Variants in CPS1 observed in about 807,000 individuals in gnomAD.
CPS1 encodes carbamoyl-phosphate synthase [ammonia], mitochondrial.
In CPS1, 109 loss-of-function variants were observed where a neutral mutation model predicts 174.6. The ratio of observed to expected loss-of-function variants is 0.62; its 90% confidence interval spans 0.53 to 0.73. CPS1 has a LOEUF of 0.73. Among genes scored for constraint, CPS1 ranks in the 30% least tolerant of loss-of-function variants. CPS1 has a pLI of 0.00. For missense variants in CPS1, 1,689 were observed against 1,821.9 expected (o/e 0.93, Z 1.33); for synonymous variants, 637 against 632.0 (o/e 1.01, Z -0.12).
chr2:210,549,376 G>A (rs1402752410), intron 1 of CPS1, among the ~76,000 whole-genome samples: 1 of 151,928 alleles, frequency 6.6e-6, no homozygotes, highest in Admixed American at 6.6e-5. Flanking sequence ...TTTCTTAACA[G>A]TATTTGCTAT....
intron 2 of CPS1, among the ~76,000 whole-genome samples, chr2:210,575,263 G>C (rs1697653873): frequency 6.6e-6 from 1 of 151,960 alleles, no homozygotes; most frequent in Non-Finnish European, 1.5e-5. Flanking sequence ...AACTTTATTG[G>C]TTTCAAAGTC....
At chr2:210,554,435 A>C (rs1696837662), upstream of CPS1, among the ~76,000 whole-genome samples, 1 of 151,710 alleles carries the variant, frequency 6.6e-6, no homozygotes, top group Non-Finnish European at 1.5e-5. Context: ...TCTATGGAAA[A>C]ACATGTTTAA....
rs956838754 is a variant in CPS1, at chr2:210,668,254, A to G, written c.4071A>G (p.Ile1357Met). The change falls in exon 34 of 38, where the codon ATA (isoleucine) becomes ATG (methionine). Residue 1357 changes from isoleucine (I) to methionine (M), a missense_variant. Physicochemically the swap from Ile to Met is conservative, Grantham distance 10. Transcript: ENST00000233072. ...LKAMLSTGFK[I>M]PQKGILIGIQ... ...CAATGCTTTCCACAGGATTTAAGAT[A>G]CCCCAGAAAGGCATCCTGATAGGCA... 6.2e-7 allele frequency: 1 copy of G among 1,613,884 alleles called. No homozygotes were observed. Among genetic ancestry groups the G allele is most frequent in the African/African-American group, 1.3e-5 (1 of 75,002 alleles).
At chr2:210,513,943 A>G (rs1370224462) in intron 1 of CPS1, among the ~76,000 whole-genome samples, 1 of 152,008 alleles carries the variant, frequency 6.6e-6, no homozygotes. Context: ...TTGAATAGGA[A>G]GTTCTTTCCC....
Position 210,600,563 on chromosome 2 carries a change from C to G in CPS1, c.1558C>G (p.Leu520Val). Residue 520 changes from leucine (L) to valine (V), a missense_variant, in exon 15 of 38, where the codon CTA becomes GTA. Transcript: ENST00000233072. ...ATTTGGTTCTTCTTTAGGAGTGGAA[C>G]TATTCAAGAGAGGTGTGCTCAAGGA... ...GQTALNCGVE[L>V]FKRGVLKEYG... 1 of 1,611,930 alleles carries G rather than the reference C, an allele frequency of 6.2e-7. No homozygotes were observed. The highest frequency in any genetic ancestry group is 8.5e-7 in the Non-Finnish European group (1 of 1,178,696).
chr2:210,617,894 A>G (rs1219151560), intron 21 of CPS1: 1 of 152,026 alleles, frequency 6.6e-6, no homozygotes, highest in East Asian at 1.9e-4. Context: ...ACTGATTTCA[A>G]ATGCCTATGA....
At chr2:210,591,057 T>TA (rs1490728597) in intron 9 of CPS1, 151 bp downstream of exon 9, 4 of 227,384 alleles carry the variant, frequency 1.8e-5, no homozygotes, top group Non-Finnish European at 3.3e-5. Context: ...AATAAATAAA[T>TA]AAATAAATAA....
chr2:210,494,647 A>T (rs543470274), intron 1 of CPS1, among the ~76,000 whole-genome samples: 4 of 150,464 alleles, frequency 2.7e-5, no homozygotes, highest in East Asian at 1.9e-4. Flanking sequence ...TAGTAAAAAA[A>T]ATACAGCAGG....
At chr2:210,541,977 A>T (rs1052794628) in intron 1 of CPS1, among the ~76,000 whole-genome samples, 3 of 151,998 alleles carry the variant, frequency 2.0e-5, no homozygotes, top group Admixed American at 2.0e-4. Context: ...TTTACCAGAA[A>T]CTGTGCCACC....
intron 21 of CPS1, among the ~76,000 whole-genome samples, chr2:210,621,174 A>G (rs914997269): frequency 6.6e-6 from 1 of 152,080 alleles, no homozygotes; most frequent in Non-Finnish European, 1.5e-5. Flanking sequence ...CCCCAAATTT[A>G]TAGGCTGGTG....
Position 210,650,370 on chromosome 2 carries a change from G to C in CPS1, c.3412G>C (p.Ala1138Pro), listed in dbSNP as rs1484284261. Residue 1138 changes from alanine to proline, a missense_variant, in exon 28 of 38, where the codon GCT becomes CCT. By Grantham distance (27) the Ala-to-Pro change is conservative. Coordinates refer to ENST00000233072, the MANE Select transcript of CPS1 (RefSeq NM_001875.5). ...TTCCCCTTCCTTTTCCAGTGGGTCT[G>C]CTATGAATGTGGTATTCTCTGAGGA... ...LRPSYVLSGS[A>P]MNVVFSEDEM... The C allele has an allele frequency of 1.9e-6, 3 of 1,613,380 alleles. No homozygotes were observed. Among genetic ancestry groups the C allele is most frequent in the Non-Finnish European group, 2.5e-6 (3 of 1,179,532 alleles).
chr2:210,678,946 C>G lies in CPS1; in HGVS notation c.*961C>G, dbSNP rs1171846087. On this transcript the variant is annotated 3_prime_UTR_variant, in exon 38 of 38. Transcript: ENST00000233072. ...TTCTGTTGAACTATGGGGTCCCACA[C>G]TGCACTATTAATTCCACCCACTGTA... 1.3e-5 allele frequency: 2 copies of G among 152,320 alleles called. No homozygotes were observed. The highest frequency in any genetic ancestry group is 4.8e-5 in the African/African-American group (2 of 41,566). 9.4% of individuals were successfully genotyped at this position (152,320 alleles called of 1,614,324 possible). A position where few individuals can be genotyped will look rare whatever the true frequency, so the allele number is the denominator to read the frequency against.
intron 3 of CPS1, 69 bp from the exon 4 acceptor site, chr2:210,577,352 C>G: frequency 4.0e-6 from 5 of 1,239,074 alleles, no homozygotes; most frequent in Non-Finnish European, 6.0e-6. Flanking sequence ...AAAACAAATG[C>G]AAATTGACTC....
chr2:210,676,749 A>G (rs1199468557), intron 36 of CPS1, among the ~76,000 whole-genome samples: 13 of 152,176 alleles, frequency 8.5e-5, no homozygotes, highest in Admixed American at 8.5e-4. Context: ...CCAATTCTTA[A>G]TGAGTGAACA....
At chr2:210,644,854 C>T (rs1251378266) in intron 25 of CPS1, among the ~76,000 whole-genome samples, 1 of 151,946 alleles carries the variant, frequency 6.6e-6, no homozygotes, top group African/African-American at 2.4e-5. Flanking sequence ...AAACAGAAAA[C>T]TAAGATGGGT....
chr2:210,637,755 A>G lies in CPS1; in HGVS notation c.2741A>G (p.Asp914Gly). The G allele has an allele frequency of 1.2e-6, 2 of 1,614,062 alleles. No homozygotes were observed. Among genetic ancestry groups the G allele is most frequent in the Non-Finnish European group, 8.5e-7 (1 of 1,179,934 alleles). ...AGGGCAAAGGAGATTGGGTTCTCAG[A>G]TAAGCAGATTTCAAAATGCCTTGGG... is the stretch of plus-strand genomic sequence containing the variant. The part of the protein sequence containing the change: ...LKRAKEIGFS[D>G]KQISKCLGLT... Residue 914 changes from aspartate to glycine, a missense_variant, in exon 22 of 38, where the codon GAT becomes GGT. By Grantham distance (94) the Asp-to-Gly change is moderately conservative. Coordinates refer to ENST00000233072, the MANE Select transcript of CPS1 (RefSeq NM_001875.5).
At chr2:210,642,758 T>C (rs1401366736) in intron 25 of CPS1, 93 bp downstream of exon 25, 2 of 1,163,740 alleles carry the variant, frequency 1.7e-6, no homozygotes, top group Non-Finnish European at 2.5e-6. Context: ...TAGATGTATA[T>C]AGTAATTCCT....
At chr2:210,581,748 A>G (rs891584376) in intron 5 of CPS1, among the ~76,000 whole-genome samples, 1 of 152,148 alleles carries the variant, frequency 6.6e-6, no homozygotes, top group African/African-American at 2.4e-5. Context: ...ACACATAGGT[A>G]CTTTCTACTC....
chr2:210,642,615 T>C lies in CPS1; in HGVS notation c.3091T>C (p.Tyr1031His). 6.2e-7 allele frequency: 1 copy of C among 1,614,066 alleles called. No individual in the cohort carries two copies. Among genetic ancestry groups the C allele is most frequent in the East Asian group, 2.2e-5 (1 of 44,876 alleles). The stretch of plus-strand genomic sequence containing the variant: ...AGACTTTGATGAGTGTGACAAACTG[T>C]ACTTTGAAGAGTTGTCCTTGGAGAG... ...STDFDECDKL[Y>H]FEELSLERIL... The change falls in exon 25 of 38, where the codon TAC (tyrosine) becomes CAC (histidine). Residue 1031 changes from tyrosine (Y) to histidine (H), a missense_variant. Physicochemically the swap from Tyr to His is moderately conservative, Grantham distance 83 (BLOSUM62 2). Transcript: ENST00000233072.
Sources: allele counts gnomAD v4.1 joint callset (sites outside exome capture counted in the v4.1 genomes callset), GRCh38; gene constraint gnomAD v4.1.1; transcripts MANE v1.5; gene names NCBI Gene and HGNC (gene_info 2026-07-23, HGNC 2026-07-21).